The following STT3B variants were observed in gnomAD, a reference collection of about 807,000 sequenced individuals.
STT3B encodes the protein dolichyl-diphosphooligosaccharide--protein glycosyltransferase subunit STT3B.
STT3B carries 29 observed loss-of-function variants against 96.8 expected under a neutral mutation model. The ratio of observed to expected loss-of-function variants is 0.30; its 90% CI spans 0.22 to 0.41. The LOEUF is 0.41. STT3B is among the 10% of genes least tolerant of loss of function. The pLI is 1.00. For missense variants in STT3B, 640 were observed against 1,022.3 expected (o/e 0.63, Z 5.10); for synonymous variants, 367 against 360.0 (o/e 1.02, Z -0.22).
chr3:31,546,589 G>A (rs897391904), intron 1 of STT3B, among the ~76,000 whole-genome samples: 13 of 152,196 alleles, frequency 8.5e-5, no homozygotes, highest in Non-Finnish European at 1.8e-4. Flanking sequence ...AATGTTGAGA[G>A]GAGATGCATA....
At chr3:31,560,596 A>G (rs890342442) in intron 1 of STT3B, among the ~76,000 whole-genome samples, 3 of 151,928 alleles carry the variant, frequency 2.0e-5, no homozygotes, top group Non-Finnish European at 4.4e-5. Context: ...CCTGGCCTAT[A>G]AGTTTCTGCT....
At position 31,557,693 on chromosome 3, in the gene STT3B, C is replaced by T. The variant is rs191136723; in HGVS notation, c.315-18703C>T. On this transcript the variant is annotated intron_variant, in intron 1 of 15. Coordinates refer to ENST00000295770, the MANE Select transcript of STT3B (RefSeq NM_178862.3). ...TGTTGCCCAGGCTGGAGTGCAGTGG[C>T]GCAGTCTCGGCTCACTGCAAGCTCC... 2.2e-3 allele frequency among the ~76,000 whole-genome samples: 331 copies of T among 152,162 alleles called. 2 individuals carry two copies. Among genetic ancestry groups the T allele is most frequent in the African/African-American group, 7.8e-3 (324 of 41,508 alleles).
At chr3:31,535,860 C>T (rs1697079613) in intron 1 of STT3B, among the ~76,000 whole-genome samples, 1 of 152,140 alleles carries the variant, frequency 6.6e-6, no homozygotes, top group South Asian at 2.1e-4. Flanking sequence ...AGGTATTCTG[C>T]ATATAGTTTT....
chr3:31,623,962 T>C, intron 11 of STT3B, 101 bp downstream of exon 11: 1 of 1,016,486 alleles, frequency 9.8e-7, no homozygotes, highest in Non-Finnish European at 1.4e-6. Flanking sequence ...TGTGAGATTC[T>C]GCATTTGCTT....
At chr3:31,574,193 C>CG (rs373554851) in intron 1 of STT3B, among the ~76,000 whole-genome samples, 4 of 151,376 alleles carry the variant, frequency 2.6e-5, no homozygotes, top group South Asian at 2.1e-4. Context: ...CCAGAAGTTT[C>CG]GGGGGGGTGT....
intron 3 of STT3B, among the ~76,000 whole-genome samples, chr3:31,589,538 A>T (rs1698618866): frequency 6.6e-6 from 1 of 151,898 alleles, no homozygotes. Flanking sequence ...GGGCATGATT[A>T]TGAATTTATT....
chr3:31,612,079 A>G (rs1699194287), intron 5 of STT3B, among the ~76,000 whole-genome samples: 1 of 152,182 alleles, frequency 6.6e-6, no homozygotes. Context: ...TCTGAGCACC[A>G]ATATGATTCT....
At chr3:31,575,639 T>G (rs1458165587) in intron 1 of STT3B, among the ~76,000 whole-genome samples, 1 of 152,110 alleles carries the variant, frequency 6.6e-6, no homozygotes, top group Admixed American at 6.6e-5. Context: ...ATCGTTCTGC[T>G]TCTTGACTCA....
chr3:31,541,472 G>GTTTTTTTTTTTTTTTTTTT (rs1302731899), intron 1 of STT3B, among the ~76,000 whole-genome samples: 2 of 106,936 alleles, frequency 1.9e-5, no homozygotes, highest in Non-Finnish European at 4.1e-5. Context: ...TTCTTTTTTT[G>GTTTTTTTTTTTTTTTTTTT]TTTTTTTTTT....
At chr3:31,534,120 C>G (rs1418475701) in intron 1 of STT3B, among the ~76,000 whole-genome samples, 1 of 152,174 alleles carries the variant, frequency 6.6e-6, no homozygotes, top group Non-Finnish European at 1.5e-5. Flanking sequence ...CACTGTCACC[C>G]TTAGTGTGTT....
At position 31,622,099 on chromosome 3, in the gene STT3B, G is replaced by A. The variant is rs1384624441; in HGVS notation, c.1330G>A (p.Ala444Thr). The change falls in exon 10 of 16, where the codon GCT (alanine) becomes ACT (threonine). Residue 444 changes from alanine to threonine, a missense_variant and splice_region_variant. By Grantham distance (58) the Ala-to-Thr change is moderately conservative. Around this residue, in one of 8 missense-constraint regions of STT3B, gnomAD observed 33 missense variants for 43.1 expected, o/e 0.77. Transcript: ENST00000295770. Reference sequence around the variant, plus strand: ...TGTAAGAGAATTTGTCTTTGCAGTTGCTCTATATGCAATCAGTGCTGTCTA... The same window carrying A: ...TGTAAGAGAATTTGTCTTTGCAGTTACTCTATATGCAATCAGTGCTGTCTA... ...KNINDERVFV[A>T]LYAISAVYFA... The A allele has an allele frequency of 2.5e-6, 4 of 1,612,958 alleles. No homozygotes were observed.
intron 8 of STT3B, among the ~76,000 whole-genome samples, chr3:31,618,432 CAA>C (rs985012996): frequency 1.5e-4 from 22 of 150,342 alleles, no homozygotes; most frequent in South Asian, 2.1e-4. Context: ...CTGTGAAACA[CAA>C]GAGAATATAT....
At chr3:31,535,911 TTAGA>T (rs1229030324) in intron 1 of STT3B, among the ~76,000 whole-genome samples, 2 of 152,206 alleles carry the variant, frequency 1.3e-5, no homozygotes, top group Non-Finnish European at 2.9e-5. Flanking sequence ...ATTCATAATG[TTAGA>T]TAATCTTGCT....
chr3:31,533,555 C>T (rs895185702), intron 1 of STT3B: 4 of 378,200 alleles, frequency 1.1e-5, no homozygotes, highest in Non-Finnish European at 1.7e-5. Flanking sequence ...CTCGGCCGGG[C>T]TAGTGTGAAG....
chr3:31,601,235 A>G (rs1261924001), intron 5 of STT3B, among the ~76,000 whole-genome samples: 2 of 152,210 alleles, frequency 1.3e-5, no homozygotes, highest in Non-Finnish European at 2.9e-5. Flanking sequence ...ATATTCATAC[A>G]AAAGCTTCTA....
chr3:31,615,814 TAAAATTGAA>T, intron 6 of STT3B, among the ~76,000 whole-genome samples: 1 of 151,918 alleles, frequency 6.6e-6, no homozygotes, highest in African/African-American at 2.4e-5. Context: ...AAACAACCCT[TAAAATTGAA>T]TTTATTTTTA....
intron 3 of STT3B, among the ~76,000 whole-genome samples, chr3:31,595,423 T>A (rs934277562): frequency 6.6e-6 from 1 of 152,198 alleles, no homozygotes; most frequent in Non-Finnish European, 1.5e-5. Context: ...GTTTTCCCCT[T>A]TTCGTTATTG....
chr3:31,550,512 G>A (rs184799821), intron 1 of STT3B, among the ~76,000 whole-genome samples: 1 of 152,140 alleles, frequency 6.6e-6, no homozygotes, highest in Non-Finnish European at 1.5e-5. Context: ...CATTTATGGT[G>A]GTATGACATT....
intron 2 of STT3B, among the ~76,000 whole-genome samples, chr3:31,576,745 G>A (rs1420745826): frequency 6.6e-6 from 1 of 152,050 alleles, no homozygotes; most frequent in African/African-American, 2.4e-5. Flanking sequence ...GTGGAGGCTG[G>A]GTGGGGATCT....
Sources: allele counts gnomAD v4.1 joint callset (sites outside exome capture counted in the v4.1 genomes callset), GRCh38; gene constraint gnomAD v4.1.1; regional missense constraint gnomAD v4.1.1; transcripts MANE v1.5; gene names NCBI Gene and HGNC (gene_info 2026-07-23, HGNC 2026-07-21).